SLC35D2: variants seen among roughly 807,000 people sequenced by gnomAD.
SLC35D2 encodes solute carrier family 35 member D2.
SLC35D2 carries 43 observed loss-of-function variants against 41.8 expected under a neutral mutation model. The observed-to-expected ratio is 1.03, with a 90% CI of 0.81 to 1.33. The LOEUF is 1.33. SLC35D2 is among the 40% of genes most tolerant of loss of function. The pLI is 0.00. For missense variants in SLC35D2, 380 were observed against 408.4 expected (o/e 0.93, Z 0.60); for synonymous variants, 150 against 163.9 (o/e 0.92, Z 0.65).
At chr9:96,326,700 A>G (rs1055874277) in intron 9 of SLC35D2, among the ~76,000 whole-genome samples, 1 of 150,902 alleles carries the variant, frequency 6.6e-6, no homozygotes, top group Non-Finnish European at 1.5e-5. Context: ...AGCTACTCGG[A>G]GGCGCTGAGG....
At chr9:96,325,915 T>C (rs1196682141) in intron 9 of SLC35D2, among the ~76,000 whole-genome samples, 1 of 152,140 alleles carries the variant, frequency 6.6e-6, no homozygotes, top group East Asian at 1.9e-4. Context: ...CCTGAGTGTG[T>C]TTATTACTAG....
intron 1 of SLC35D2, among the ~76,000 whole-genome samples, chr9:96,369,102 G>T (rs1456781062): frequency 1.3e-5 from 2 of 151,980 alleles, no homozygotes; most frequent in Non-Finnish European, 2.9e-5. Context: ...AAAATACTCT[G>T]GGGGGAGATG....
intron 1 of SLC35D2, among the ~76,000 whole-genome samples, chr9:96,370,647 ACT>A (rs1298851515): frequency 1.3e-5 from 2 of 151,982 alleles, no homozygotes; most frequent in African/African-American, 2.4e-5. Context: ...ACAGAGCAAG[ACT>A]CTGTCTCCAA....
intron 1 of SLC35D2, 36 bp downstream of exon 1, chr9:96,383,441 C>G (rs1208139612): frequency 6.7e-7 from 1 of 1,496,114 alleles, no homozygotes; most frequent in Non-Finnish European, 9.0e-7. Flanking sequence ...CAGCCCCGCA[C>G]TCCCGCAGAC....
At position 96,324,193 on chromosome 9, in the gene SLC35D2, G is replaced by A. The variant is rs1408468006; in HGVS notation, c.753-24C>T. 3.8e-6 allele frequency: 6 copies of A among 1,590,942 alleles called. No individual in the cohort carries two copies. The African/African-American group carries it at 4.0e-5, about 11-fold the overall frequency. On this transcript the variant is annotated intron_variant, in intron 9 of 11. Transcript: ENST00000253270. ...ACCTGTGACAAGGAAGCAGACACTG[G>A]AGTGTGTGCCTCACTACGCTGGGTA...
chr9:96,357,502 G>C (rs2130959078), intron 4 of SLC35D2: 1 of 152,226 alleles, frequency 6.6e-6, no homozygotes, highest in South Asian at 2.1e-4. Context: ...ACCAGTGAAA[G>C]CTACTGCATT....
At position 96,346,108 on chromosome 9, in the gene SLC35D2, C is replaced by T. The variant is rs555255949; in HGVS notation, c.489-707G>A. The stretch of plus-strand genomic sequence containing the variant: ...TAGGCCATGTCATAATTCAGAAATA[C>T]ACATTGCCAGGGAGGAAAACCTTTT... On this transcript the variant is annotated intron_variant, in intron 6 of 11. Coordinates refer to ENST00000253270, the MANE Select transcript of SLC35D2 (RefSeq NM_007001.3). Among the ~76,000 whole-genome samples, 11 of 152,288 alleles carry T rather than the reference C, an allele frequency of 7.2e-5. No homozygotes were observed. The East Asian group carries it at 2.1e-3, about 29-fold the overall frequency.
At chr9:96,344,057 G>T (rs1829458609) in intron 7 of SLC35D2, 61 bp from the exon 8 acceptor site, 1 of 1,090,076 alleles carries the variant, frequency 9.2e-7, no homozygotes. Flanking sequence ...AGATTTCCTG[G>T]AGCCATTTAT....
At chr9:96,376,862 G>A (rs1457469808) in intron 1 of SLC35D2, among the ~76,000 whole-genome samples, 4 of 151,418 alleles carry the variant, frequency 2.6e-5, no homozygotes, top group Non-Finnish European at 2.9e-5. Flanking sequence ...CACCCGCCTC[G>A]GCCTCCCAAA....
intron 4 of SLC35D2, among the ~76,000 whole-genome samples, chr9:96,358,300 T>C (rs563949388): frequency 6.6e-6 from 1 of 151,808 alleles, no homozygotes; most frequent in South Asian, 2.1e-4. Flanking sequence ...ATGTAAACTA[T>C]AAAAATTCTG....
chr9:96,313,680 C>T (rs1827984595), exon 12 of SLC35D2, among the ~76,000 whole-genome samples: 1 of 152,214 alleles, frequency 6.6e-6, no homozygotes, highest in African/African-American at 2.4e-5. Context: ...TTCCAAGAAG[C>T]TTAGGGCAAA....
chr9:96,344,212 G>GA (rs1478453298), intron 7 of SLC35D2, among the ~76,000 whole-genome samples: 2 of 152,118 alleles, frequency 1.3e-5, no homozygotes, highest in African/African-American at 4.8e-5. Flanking sequence ...AAACTACAGA[G>GA]AAAACGCATG....
Position 96,365,568 on chromosome 9 carries a change from G to A in SLC35D2, c.193-1018C>T, listed in dbSNP as rs76639853. 7.9e-3 allele frequency among the ~76,000 whole-genome samples: 1,198 copies of A among 152,022 alleles called. 17 individuals are homozygous for A. The highest frequency in any genetic ancestry group is 0.026 in the African/African-American group (1,088 of 41,452). Reference sequence around the variant, plus strand: ...ATGGCATCCTCCCCCATAAAGGCACGGGAACATTCTTTTAAAAGAAACTCC... The same window carrying A: ...ATGGCATCCTCCCCCATAAAGGCACAGGAACATTCTTTTAAAAGAAACTCC... On this transcript the variant is annotated intron_variant, in intron 2 of 11. Transcript: ENST00000253270.
downstream of SLC35D2, among the ~76,000 whole-genome samples, chr9:96,316,426 G>A (rs754549930): frequency 9.9e-5 from 15 of 151,868 alleles, no homozygotes; most frequent in African/African-American, 1.9e-4. Context: ...CCTTGAACCC[G>A]GGAGGCAGAG....
intron 1 of SLC35D2, among the ~76,000 whole-genome samples, chr9:96,377,574 TG>T (rs1229353750): frequency 1.3e-5 from 2 of 152,350 alleles, no homozygotes; most frequent in African/African-American, 2.4e-5. Flanking sequence ...ATGACTCACA[TG>T]GCAATTCTTT....
Position 96,351,031 on chromosome 9 carries a change from A to G in SLC35D2, c.488+72T>C. On this transcript the variant is annotated intron_variant, in intron 6 of 11. Transcript: ENST00000253270. The stretch of plus-strand genomic sequence containing the variant: ...ACAGCAGCCAGATGGAAAATGAAAA[A>G]CTGAGGATGGGGCTGGGCCTATTGT... The G allele has an allele frequency of 2.6e-6, 3 of 1,152,246 alleles. No individual in the cohort carries two copies. The South Asian group carries it at 3.8e-5, about 15-fold the overall frequency. 71.4% of individuals were successfully genotyped at this position (1,152,246 alleles called of 1,614,324 possible). A position where few individuals can be genotyped will look rare whatever the true frequency, so the allele number is the denominator to read the frequency against.
intron 9 of SLC35D2, among the ~76,000 whole-genome samples, chr9:96,328,085 C>T (rs1828631840): frequency 6.6e-6 from 1 of 152,204 alleles, no homozygotes. Context: ...CTAAAAGAAC[C>T]TTCGTTAACT....
chr9:96,316,590 T>A (rs1338056840), downstream of SLC35D2, among the ~76,000 whole-genome samples: 1 of 152,082 alleles, frequency 6.6e-6, no homozygotes, highest in African/African-American at 2.4e-5. Flanking sequence ...ATTCAGTGAA[T>A]GTTCCCTGAC....
intron 4 of SLC35D2, among the ~76,000 whole-genome samples, chr9:96,354,692 T>C (rs571537850): frequency 4.6e-4 from 60 of 130,844 alleles, no homozygotes; most frequent in Middle Eastern, 7.6e-3. Flanking sequence ...TGCTTGAACC[T>C]AGGAAGCAGA....
Sources: gnomAD v4.1 joint callset for allele counts (sites outside exome capture counted in the v4.1 genomes callset) on GRCh38, gnomAD v4.1.1 for gene constraint, MANE v1.5 for transcripts, NCBI Gene and HGNC (gene_info 2026-07-23, HGNC 2026-07-21) for gene names.